The following RUNX3 variants were observed in gnomAD, a reference collection of about 807,000 sequenced individuals.
RUNX3 encodes the protein RUNX family transcription factor 3.
RUNX3 carries 10 observed loss-of-function variants against 27.7 expected under a neutral mutation model. That is an observed-to-expected ratio of 0.36 (90% CI 0.22 to 0.61). The LOEUF is 0.61. Ranked by LOEUF, RUNX3 falls within the 20% of genes least tolerant of loss-of-function variation. The probability of loss-of-function intolerance (pLI) is 0.72; values close to 1 mark genes in which losing one functional copy is unlikely to be tolerated. For synonymous variants in RUNX3, 270 were observed against 269.2 expected, an observed-to-expected ratio of 1.00 and a Z score of -0.03; for missense variants, 469 against 629.5, an observed-to-expected ratio of 0.75 and a Z score of 2.73.
intron 1 of RUNX3, 152 bp downstream of exon 1, chr1:24,929,435 C>T: frequency 1.3e-6 from 1 of 799,322 alleles, no homozygotes. Context: ...GTCCCGGAGC[C>T]GAGCGCGCAG....
At chr1:24,964,800 A>G in intron 1 of RUNX3, 1 of 1,138,812 alleles carries the variant, frequency 8.8e-7, no homozygotes, top group East Asian at 2.7e-5. Context: ...GAGAGAGAGA[A>G]AAAAATCCCC....
chr1:24,907,230 C>T (rs1404252238), intron 4 of RUNX3, 29 bp downstream of exon 4: 1 of 1,598,752 alleles, frequency 6.3e-7, no homozygotes, highest in East Asian at 2.2e-5. Flanking sequence ...CCACCTCACC[C>T]CGCTGCAGCC....
At chr1:24,930,362 C>T (rs1342848994), upstream of RUNX3, 2 of 411,932 alleles carry the variant, frequency 4.9e-6, no homozygotes. The surrounding 1 kb of genome is among the most constrained non-coding windows in gnomAD (Gnocchi z 4.1). Context: ...AGCCAATCGG[C>T]GGAGCCCCCA....
At chr1:24,920,712 G>A (rs1300664174) in intron 2 of RUNX3, among the ~76,000 whole-genome samples, 2 of 152,146 alleles carry the variant, frequency 1.3e-5, no homozygotes, top group Non-Finnish European at 2.9e-5. Flanking sequence ...TTCACACGCT[G>A]GGTGGTTTTT....
chr1:24,932,331 G>A (rs1318220158), upstream of RUNX3, among the ~76,000 whole-genome samples: 2 of 151,782 alleles, frequency 1.3e-5, no homozygotes, highest in Non-Finnish European at 2.9e-5. Flanking sequence ...GCGGCGGGGG[G>A]AGGGGGGGCG....
intron 3 of RUNX3, among the ~76,000 whole-genome samples, chr1:24,908,066 G>A (rs1293723551): frequency 2.0e-5 from 3 of 151,364 alleles, no homozygotes; most frequent in South Asian, 2.1e-4. Flanking sequence ...TACGACACAC[G>A]GTGATCCGAA....
At chr1:24,963,303 G>C (rs11802714) in intron 2 of RUNX3, among the ~76,000 whole-genome samples, 25,959 of 152,158 alleles carry the variant, frequency 0.17, 2,929 homozygotes, top group African/African-American at 0.32. Context: ...CACCCAGGCA[G>C]CAGCCCTGAA....
chr1:24,962,465 C>A lies in RUNX3; in HGVS notation c.58+2049G>T, dbSNP rs569902024. On this transcript the variant is annotated intron_variant, in intron 2 of 6. Coordinates refer to the RUNX3 transcript ENST00000338888. The surrounding 1 kb of genome is among the most constrained non-coding windows in gnomAD (Gnocchi z 4.5). ...CAAATGGGACCCTGGGGCTGCGTCT[C>A]TTTGAGGAAGGAATTGGCAGCTGGA... is the stretch of plus-strand genomic sequence containing the variant. 3.3e-5 allele frequency among the ~76,000 whole-genome samples: 5 copies of A among 152,186 alleles called. No homozygotes were observed. In the South Asian group the frequency reaches 1.0e-3, roughly 31 times the overall value.
intron 3 of RUNX3, among the ~76,000 whole-genome samples, chr1:24,911,566 T>A (rs929095906): frequency 6.6e-6 from 1 of 152,230 alleles, no homozygotes; most frequent in African/African-American, 2.4e-5. Flanking sequence ...ACCACCATCA[T>A]GACCATCGCT....
intron 2 of RUNX3, among the ~76,000 whole-genome samples, chr1:24,949,373 C>A (rs58398593): frequency 0.043 from 6,479 of 152,232 alleles, 479 homozygotes; most frequent in African/African-American, 0.15. Flanking sequence ...ATGCCCCGCC[C>A]CCCGTGAGCA....
At chr1:24,940,052 G>A (rs180732730) in intron 2 of RUNX3, among the ~76,000 whole-genome samples, 235 of 152,362 alleles carry the variant, frequency 1.5e-3, no homozygotes, top group African/African-American at 5.4e-3. Flanking sequence ...TGGAGACTTT[G>A]CCCTGGAGGA....
Position 24,902,201 on chromosome 1 carries a change from G to C in RUNX3, c.1169C>G (p.Ala390Gly), listed in dbSNP as rs1322383041. 1 of 1,569,694 alleles carries C rather than the reference G, an allele frequency of 6.4e-7. No individual in the cohort carries two copies. Among genetic ancestry groups the C allele is most frequent in the Non-Finnish European group, 8.6e-7 (1 of 1,159,410 alleles). ...GGGTGAGTTGCTGTGGCTGCCGTCGGCCTCCACGCCATCACTCTGGCCGCC... is the reference window on the plus strand; with the variant it reads ...GGGTGAGTTGCTGTGGCTGCCGTCGCCCTCCACGCCATCACTCTGGCCGCC... Reference protein sequence around the residue: ...SLGGQSDGVEADGSHSNSPTA... With the variant: ...SLGGQSDGVEGDGSHSNSPTA... The change falls in exon 5 of 5, where the codon GCC becomes GGC. Residue 390 changes from alanine to glycine, a missense_variant. Transcript: ENST00000308873. The surrounding 1 kb of genome is among the most constrained non-coding windows in gnomAD (Gnocchi z 9.2).
intron 2 of RUNX3, among the ~76,000 whole-genome samples, chr1:24,952,308 G>A (rs953833129): frequency 3.2e-4 from 49 of 152,094 alleles, no homozygotes; most frequent in African/African-American, 1.1e-3. Context: ...GCACACACCA[G>A]CCCCTTCCAG....
chr1:24,938,147 G>A (rs990021309), intron 2 of RUNX3, among the ~76,000 whole-genome samples: 2 of 152,198 alleles, frequency 1.3e-5, no homozygotes, highest in Admixed American at 1.3e-4. Context: ...GGCTCATAGA[G>A]CCAACTGCTA....
chr1:24,918,170 G>T (rs1640924754), intron 3 of RUNX3, among the ~76,000 whole-genome samples: 1 of 152,220 alleles, frequency 6.6e-6, no homozygotes, highest in Admixed American at 6.5e-5. Context: ...CCAGGAATTG[G>T]ATGATGGGGT....
upstream of RUNX3, among the ~76,000 whole-genome samples, chr1:24,931,012 G>C (rs551002636): frequency 6.6e-6 from 1 of 152,194 alleles, no homozygotes; most frequent in Non-Finnish European, 1.5e-5. Flanking sequence ...CAGGCCTCGC[G>C]GCGTCGTTCT....
At chr1:24,950,866 A>G (rs946313338) in intron 2 of RUNX3, among the ~76,000 whole-genome samples, 1 of 152,110 alleles carries the variant, frequency 6.6e-6, no homozygotes, top group Non-Finnish European at 1.5e-5. Flanking sequence ...AGCCTAGGGG[A>G]GAGGAACCCA....
Position 24,929,815 on chromosome 1 carries a change from C to A in RUNX3, c.54G>T (p.Pro18=). Residue 18 remains proline (P), a synonymous_variant, in exon 1 of 5, where the codon CCG becomes CCT. Transcript: ENST00000308873. ...CGCCGCCGCCGCCGCAGGGGAAGGC[C>A]GGGGAGGGAGGTGTGAAGCGGCGGC... The part of the protein sequence containing the change: ...STSRRFTPPS[P]AFPCGGGGGK... 7.1e-7 allele frequency: 1 copy of A among 1,409,300 alleles called. No individual in the cohort carries two copies. Among genetic ancestry groups the A allele is most frequent in the South Asian group, 1.5e-5 (1 of 65,640 alleles). The allele number at this position is 1,409,300 out of a possible 1,614,324, so 87.3% of individuals were successfully genotyped here. A position where few individuals can be genotyped will look rare whatever the true frequency, so the allele number is the denominator to read the frequency against.
intron 2 of RUNX3, among the ~76,000 whole-genome samples, chr1:24,957,872 G>C (rs1205619651): frequency 5.3e-5 from 8 of 152,252 alleles, no homozygotes; most frequent in African/African-American, 1.9e-4. Context: ...GCAGAGCCTG[G>C]CTGCAGCTGA....
Sources: gnomAD v4.1 joint callset for allele counts (sites outside exome capture counted in the v4.1 genomes callset) on GRCh38, gnomAD v4.1.1 for gene constraint, Gnocchi (gnomAD v3.1) non-coding constraint, MANE v1.5 for transcripts, NCBI Gene and HGNC (gene_info 2026-07-23, HGNC 2026-07-21) for gene names.